The following PES1 variants were observed in gnomAD, a reference collection of about 807,000 sequenced individuals.
PES1 encodes pescadillo homolog.
A neutral mutation model predicts 77.1 loss-of-function variants in PES1; 31 were observed. That is an observed-to-expected ratio of 0.40 (90% confidence interval 0.30 to 0.54). PES1 has a LOEUF of 0.54. Among genes scored for constraint, PES1 ranks in the 20% least tolerant of loss-of-function variants. PES1 has a pLI of 0.45. For synonymous variants in PES1, 282 were observed against 303.0 expected (o/e 0.93, Z 0.72); for missense variants, 658 against 771.7 (o/e 0.85, Z 1.75).
intron 14 of PES1, among the ~76,000 whole-genome samples, chr22:30,578,316 A>G (rs534818890): frequency 6.6e-6 from 1 of 152,208 alleles, no homozygotes; most frequent in African/African-American, 2.4e-5. Flanking sequence ...AACCTATAGC[A>G]TGACCTCCCA....
At chr22:30,589,955 T>C (rs1018905860) in intron 1 of PES1, among the ~76,000 whole-genome samples, 1 of 152,196 alleles carries the variant, frequency 6.6e-6, no homozygotes, top group Non-Finnish European at 1.5e-5. Context: ...CCACAACCAT[T>C]GTAATAGCTA....
At chr22:30,599,124 T>A (rs1029725661) in intron 2 of PES1, among the ~76,000 whole-genome samples, 2 of 152,000 alleles carry the variant, frequency 1.3e-5, no homozygotes, top group African/African-American at 4.8e-5. Flanking sequence ...GGGCTCAAAC[T>A]CCTGACAAGT....
chr22:30,604,451 G>GGT (rs1328182958), intron 2 of PES1, among the ~76,000 whole-genome samples: 2 of 151,940 alleles, frequency 1.3e-5, no homozygotes, highest in Non-Finnish European at 2.9e-5. Flanking sequence ...TGGCCAACAG[G>GGT]GTGAAACCCT....
intron 2 of PES1, among the ~76,000 whole-genome samples, chr22:30,597,019 G>A (rs910706824): frequency 6.6e-5 from 10 of 152,212 alleles, no homozygotes; most frequent in East Asian, 1.9e-4. Flanking sequence ...CAGCCGCTGC[G>A]GAGAGTGCGC....
At chr22:30,581,229 C>A in intron 8 of PES1, 105 bp downstream of exon 8, 1 of 1,377,828 alleles carries the variant, frequency 7.3e-7, no homozygotes, top group Non-Finnish European at 1.0e-6. Context: ...CTGAGACCAC[C>A]CACCTAGCCA....
chr22:30,601,669 A>G (rs2087356078), intron 2 of PES1: 1 of 151,872 alleles, frequency 6.6e-6, no homozygotes, highest in Non-Finnish European at 1.5e-5. Flanking sequence ...CTGTTTTTAT[A>G]TATGCAATAT....
intron 4 of PES1, 80 bp downstream of exon 4, chr22:30,587,206 C>G: frequency 9.6e-7 from 1 of 1,046,666 alleles, no homozygotes; most frequent in Non-Finnish European, 1.5e-6. Flanking sequence ...TGGTCTTATT[C>G]CCTATTGTAT....
At chr22:30,585,625 T>C (rs2087072333) in intron 4 of PES1, among the ~76,000 whole-genome samples, 1 of 151,326 alleles carries the variant, frequency 6.6e-6, no homozygotes, top group East Asian at 1.9e-4. Context: ...TCATTTTTGT[T>C]ACTTTTTCTA....
intron 1 of PES1, among the ~76,000 whole-genome samples, chr22:30,606,350 C>T (rs928716334): frequency 2.0e-5 from 3 of 151,680 alleles, no homozygotes; most frequent in Non-Finnish European, 1.5e-5. Flanking sequence ...CCTGCCTCAG[C>T]CCCCCAAGTA....
rs139072044 is a variant in PES1 at position 30,577,611 on chromosome 22, G to A, written c.1684-482C>T. 6.5e-3 allele frequency among the ~76,000 whole-genome samples: 991 copies of A among 152,208 alleles called. 18 individuals are homozygous for A. The highest frequency in any genetic ancestry group is 0.022 in the African/African-American group (928 of 41,518). ...AAACGATCCTCCCACTTCAGCCTCC[G>A]GAGTAGCTGGGATTGACTACAGGTG... On this transcript the variant is annotated intron_variant, in intron 14 of 14. Transcript: ENST00000354694.
At chr22:30,594,953 C>T (rs1394293108), upstream of PES1, among the ~76,000 whole-genome samples, 3 of 152,164 alleles carry the variant, frequency 2.0e-5, no homozygotes, top group Admixed American at 6.5e-5. Context: ...GTTCACGCCG[C>T]TGCACTCTGG....
At chr22:30,587,688 G>A (rs770701024) in intron 3 of PES1, among the ~76,000 whole-genome samples, 5 of 152,170 alleles carry the variant, frequency 3.3e-5, no homozygotes, top group Non-Finnish European at 5.9e-5. Flanking sequence ...AAGCAGCTCC[G>A]TTTTTCAACT....
At chr22:30,579,716 A>G (rs1264834983) in intron 12 of PES1, 35 bp downstream of exon 12, 1 of 1,600,132 alleles carries the variant, frequency 6.2e-7, no homozygotes, top group African/African-American at 1.3e-5. Context: ...GCGTGGGCCC[A>G]GGGGTCAAGG....
chr22:30,601,288 T>C (rs1292687138), intron 2 of PES1, among the ~76,000 whole-genome samples: 3 of 152,186 alleles, frequency 2.0e-5, no homozygotes, highest in African/African-American at 4.8e-5. Context: ...TTATCTCTCT[T>C]AATGCTTTTT....
chr22:30,578,690 AGGCTG>A (rs1341761758), intron 14 of PES1, 142 bp downstream of exon 14: 7 of 931,458 alleles, frequency 7.5e-6, no homozygotes, highest in East Asian at 2.5e-5. Context: ...GGGGCCCCAA[AGGCTG>A]GGCTGGGCCA....
At chr22:30,606,300 G>T (rs2087440698) in intron 1 of PES1, among the ~76,000 whole-genome samples, 1 of 151,938 alleles carries the variant, frequency 6.6e-6, no homozygotes, top group Non-Finnish European at 1.5e-5. Flanking sequence ...GTGTAATCTT[G>T]GCTCACTGTA....
intron 4 of PES1, 102 bp downstream of exon 4, chr22:30,587,184 T>C (rs1602016252): frequency 1.2e-6 from 1 of 844,026 alleles, no homozygotes; most frequent in South Asian, 1.6e-5. Flanking sequence ...GCAAGCTCTT[T>C]GAGCAGGGTC....
Position 30,583,270 on chromosome 22 carries a change from C to G in PES1, c.630+1095G>C, listed in dbSNP as rs983029386. 5.9e-5 allele frequency among the ~76,000 whole-genome samples: 9 copies of G among 152,324 alleles called. 1 individual carries two copies. In the South Asian group the frequency reaches 1.7e-3, roughly 28 times the overall value. ...TGCTGAGGGCCAAGCCCGCCTCTCA[C>G]TCGCAAACAGGCCACAGCCTCACCA... On this transcript the variant is annotated intron_variant, in intron 6 of 14. Coordinates refer to ENST00000354694, the MANE Select transcript of PES1 (RefSeq NM_014303.4).
At chr22:30,584,480 G>A in intron 5 of PES1, 26 bp from the exon 6 acceptor site, 1 of 1,610,054 alleles carries the variant, frequency 6.2e-7, no homozygotes, top group Non-Finnish European at 8.5e-7. Flanking sequence ...AGACATCTGG[G>A]TGAAGACCAT....
Sources: gnomAD v4.1 joint callset for allele counts (sites outside exome capture counted in the v4.1 genomes callset) on GRCh38, gnomAD v4.1.1 for gene constraint, MANE v1.5 for transcripts, NCBI Gene and HGNC (gene_info 2026-07-23, HGNC 2026-07-21) for gene names.